Variants in TEC observed in about 807,000 individuals in gnomAD.
The protein encoded by TEC is tyrosine-protein kinase Tec.
In TEC, 72 loss-of-function variants were observed where a neutral mutation model predicts 93.0. That is an observed-to-expected ratio of 0.77 (90% CI 0.64 to 0.94). The LOEUF (loss-of-function observed/expected upper bound fraction) is 0.94. TEC is among the 40% of genes least tolerant of loss of function. The pLI is 0.00. For missense variants in TEC, 630 were observed against 757.9 expected, an observed-to-expected ratio of 0.83 and a Z score of 1.98; for synonymous variants, 249 against 247.7, an observed-to-expected ratio of 1.01 and a Z score of -0.05.
At chr4:48,240,148 T>C (rs1487123568) in intron 1 of TEC, among the ~76,000 whole-genome samples, 2 of 152,104 alleles carry the variant, frequency 1.3e-5, no homozygotes, top group African/African-American at 4.8e-5. Context: ...TGTTCATGAG[T>C]TGATAACTAT....
At chr4:48,146,241 A>G (rs1299045048) in intron 12 of TEC, 84 bp downstream of exon 12, 1 of 1,305,182 alleles carries the variant, frequency 7.7e-7, no homozygotes, top group East Asian at 2.3e-5. Flanking sequence ...CCAGTATGTG[A>G]AATAGTACAC....
At chr4:48,234,778 T>C (rs1723740025) in intron 1 of TEC, among the ~76,000 whole-genome samples, 1 of 151,972 alleles carries the variant, frequency 6.6e-6, no homozygotes, top group African/African-American at 2.4e-5. Context: ...GAGTACTTTA[T>C]GAAAGAGAGC....
chr4:48,185,659 A>G (rs180873083), intron 2 of TEC, among the ~76,000 whole-genome samples: 52 of 152,364 alleles, frequency 3.4e-4, no homozygotes, highest in African/African-American at 1.1e-3. Flanking sequence ...AGTAATATAT[A>G]TATAAGCATG....
At chr4:48,256,860 C>G (rs12501247) in intron 1 of TEC, among the ~76,000 whole-genome samples, 57,353 of 151,938 alleles carry the variant, frequency 0.38, 11,886 homozygotes, top group Non-Finnish European at 0.47. Context: ...TAGGAGTCCC[C>G]GGTCCTTAGG....
chr4:48,173,531 T>C (rs1315771817), intron 3 of TEC, among the ~76,000 whole-genome samples: 1 of 152,206 alleles, frequency 6.6e-6, no homozygotes, highest in Non-Finnish European at 1.5e-5. Flanking sequence ...GCTGTGTTTC[T>C]CTCTGCCTTA....
intron 2 of TEC, among the ~76,000 whole-genome samples, chr4:48,207,926 G>T (rs1372322711): frequency 6.6e-6 from 1 of 152,162 alleles, no homozygotes; most frequent in Non-Finnish European, 1.5e-5. Flanking sequence ...AAGAAAAGAA[G>T]AGGAAATTGA....
At chr4:48,182,459 G>A (rs1380642122) in intron 2 of TEC, among the ~76,000 whole-genome samples, 1 of 151,704 alleles carries the variant, frequency 6.6e-6, no homozygotes, top group African/African-American at 2.4e-5. Flanking sequence ...GCCGAGCTAA[G>A]AAGACCACCT....
chr4:48,261,756 T>C (rs1327280842), intron 1 of TEC, among the ~76,000 whole-genome samples: 1 of 152,194 alleles, frequency 6.6e-6, no homozygotes, highest in African/African-American at 2.4e-5. Flanking sequence ...TGATACTCTA[T>C]TGTAAGCATT....
intron 15 of TEC, among the ~76,000 whole-genome samples, chr4:48,139,679 T>C (rs924156564): frequency 6.6e-6 from 1 of 152,218 alleles, no homozygotes; most frequent in African/African-American, 2.4e-5. Flanking sequence ...AGTAGCTAAC[T>C]TTAGGGGAGA....
chr4:48,197,653 G>T (rs1308524708), intron 2 of TEC, among the ~76,000 whole-genome samples: 1 of 152,130 alleles, frequency 6.6e-6, no homozygotes, highest in Non-Finnish European at 1.5e-5. Context: ...TACAAACCTT[G>T]TTATACTAGT....
At chr4:48,155,806 G>A (rs1218307405) in intron 9 of TEC, 2 of 152,180 alleles carry the variant, frequency 1.3e-5, no homozygotes, top group Non-Finnish European at 2.9e-5. Flanking sequence ...AGAGTTGCTA[G>A]GTTTGTGGAT....
At chr4:48,156,793 T>G in intron 8 of TEC, 59 bp from the exon 9 acceptor site, 1 of 1,393,730 alleles carries the variant, frequency 7.2e-7, no homozygotes, top group Non-Finnish European at 9.8e-7. Context: ...TTTTATTCTT[T>G]TCAGAATTAA....
At chr4:48,262,442 C>T (rs990299414) in intron 1 of TEC, among the ~76,000 whole-genome samples, 2 of 151,998 alleles carry the variant, frequency 1.3e-5, no homozygotes, top group Non-Finnish European at 2.9e-5. Flanking sequence ...AGTGATCCAC[C>T]TGCCTCAGCC....
At chr4:48,190,965 G>A (rs1374382099) in intron 2 of TEC, among the ~76,000 whole-genome samples, 1 of 152,144 alleles carries the variant, frequency 6.6e-6, no homozygotes, top group Non-Finnish European at 1.5e-5. Flanking sequence ...TATTGAACAT[G>A]CCACAATATT....
At chr4:48,214,998 C>G (rs1723025524) in intron 2 of TEC, among the ~76,000 whole-genome samples, 1 of 151,124 alleles carries the variant, frequency 6.6e-6, no homozygotes, top group African/African-American at 2.4e-5. Flanking sequence ...ACTAAAAATA[C>G]AAAAATTAGC....
intron 2 of TEC, among the ~76,000 whole-genome samples, chr4:48,227,343 G>A (rs1468890459): frequency 1.3e-5 from 2 of 151,978 alleles, no homozygotes; most frequent in Non-Finnish European, 2.9e-5. Flanking sequence ...AAAAAAAACA[G>A]AATGAAAACT....
intron 2 of TEC, among the ~76,000 whole-genome samples, chr4:48,205,466 C>G (rs1722670512): frequency 6.6e-6 from 1 of 152,210 alleles, no homozygotes; most frequent in Non-Finnish European, 1.5e-5. Flanking sequence ...TTCCTCTACT[C>G]CCAGTTGCTA....
chr4:48,167,725 C>T, intron 7 of TEC, 53 bp downstream of exon 7: 2 of 1,552,460 alleles, frequency 1.3e-6, no homozygotes, highest in South Asian at 2.3e-5. Flanking sequence ...TCTCACTCAA[C>T]ACTTGACTCC....
At chr4:48,150,293 T>A (rs1720103628) in intron 10 of TEC, among the ~76,000 whole-genome samples, 1 of 152,152 alleles carries the variant, frequency 6.6e-6, no homozygotes, top group South Asian at 2.1e-4. Context: ...ACTCACCATA[T>A]ACTCTCTCCC....
Sources: allele counts gnomAD v4.1 joint callset (sites outside exome capture counted in the v4.1 genomes callset), GRCh38; gene constraint gnomAD v4.1.1; transcripts MANE v1.5; gene names NCBI Gene and HGNC (gene_info 2026-07-23, HGNC 2026-07-21).